ABCF2: variants seen among roughly 807,000 people sequenced by gnomAD.
ABCF2 encodes ATP binding cassette subfamily F member 2.
Under a neutral mutation model 76.9 loss-of-function variants are expected in ABCF2, and 37 were observed. The observed-to-expected ratio is 0.48, with a 90% confidence interval of 0.37 to 0.63. The LOEUF (loss-of-function observed/expected upper bound fraction) is 0.63. ABCF2 is among the 30% of genes least tolerant of loss of function. The pLI is 0.00. For synonymous variants in ABCF2, 299 were observed against 283.7 expected, an observed-to-expected ratio of 1.05 and a Z score of -0.54; for missense variants, 524 against 782.1, an observed-to-expected ratio of 0.67 and a Z score of 3.94.
In ABCF2 at chr7:151,226,406, T is replaced by C. The variant is rs1317447930; in HGVS notation, c.53A>G (p.Lys18Arg). The change falls in exon 2 of 15, where the codon AAA (lysine) becomes AGA (arginine). Residue 18 changes from lysine to arginine, a missense_variant. Lys to Arg is a conservative substitution (Grantham distance 26, BLOSUM62 2). Coordinates refer to ENST00000287844, the MANE Select transcript of ABCF2 (RefSeq NM_007189.3). The part of the protein sequence containing the change: ...KKAAKKKEAA[K>R]ARQRPRKGHE... Reference sequence around the variant, plus strand: ...TCCTTTTCTGGGCCGCTGTCGAGCTTTGGCAGCCTCCTTCTTTTTGGCTGC... The same window carrying C: ...TCCTTTTCTGGGCCGCTGTCGAGCTCTGGCAGCCTCCTTCTTTTTGGCTGC... The C allele has an allele frequency of 4.3e-6, 7 of 1,614,076 alleles. No homozygotes were observed. In the African/African-American group the frequency reaches 5.3e-5, roughly 12 times the overall value.
At position 151,213,114 on chromosome 7, in the gene ABCF2, G is replaced by C; in HGVS notation, c.*940C>G. On this transcript the variant is annotated 3_prime_UTR_variant, in exon 15 of 15. Coordinates refer to ENST00000287844, the MANE Select transcript of ABCF2 (RefSeq NM_007189.3). The stretch of plus-strand genomic sequence containing the variant: ...GCTGTGCAGTTGGGGCAGAACCTCA[G>C]ATCACAATCAGAAAACCACGCTCCT... 1.0e-6 allele frequency: 1 copy of C among 985,380 alleles called. No homozygotes were observed. The highest frequency in any genetic ancestry group is 1.2e-6 in the Non-Finnish European group (1 of 829,936). 61.0% of individuals were successfully genotyped at this position (985,380 alleles called of 1,614,324 possible).
intron 7 of ABCF2, 89 bp downstream of exon 7, chr7:151,221,486 GCCA>G: frequency 9.5e-6 from 9 of 944,784 alleles, no homozygotes; most frequent in Non-Finnish European, 1.3e-5. Flanking sequence ...ACAGGCATGA[GCCA>G]CCACACCAGC....
Position 151,216,013 on chromosome 7 carries a change from C to T in ABCF2, c.1355G>A (p.Gly452Asp). ...LLTGELLPTD[G>D]MIRKHSHVKI... ...GACATGAGAGTGTTTTCGGATCATG[C>T]CATCTGTGGGTAGTAGCTAGGAAGA... The change falls in exon 12 of 15, where the codon GGC (glycine) becomes GAC (aspartate). Residue 452 changes from glycine (G) to aspartate (D), a missense_variant. Gly to Asp is a moderately conservative substitution (Grantham distance 94). Coordinates refer to ENST00000287844, the MANE Select transcript of ABCF2 (RefSeq NM_007189.3). The T allele has an allele frequency of 6.2e-7, 1 of 1,614,112 alleles. No individual in the cohort carries two copies.
Position 151,215,101 on chromosome 7 carries a change from T to TAC in ABCF2, c.1531-21_1531-20dup. 1.9e-6 allele frequency: 3 copies of TAC among 1,603,076 alleles called. No individual in the cohort carries two copies. The highest frequency in any genetic ancestry group is 2.6e-6 in the Non-Finnish European group (3 of 1,174,010). On this transcript the variant is annotated intron_variant, in intron 13 of 14. Transcript: ENST00000287844. The surrounding 1 kb of genome is among the most constrained non-coding windows in gnomAD (Gnocchi z 4.6). ...GGCTCACCTGAGTAGAACCGTGACC[T>TAC]ACATATAACTTGGCATTATCCCCGC...
chr7:151,214,738 G>C lies in ABCF2; in HGVS notation c.1734+141C>G. The C allele has an allele frequency of 1.4e-6, 1 of 733,872 alleles. No homozygotes were observed. The highest frequency in any genetic ancestry group is 2.2e-6 in the Non-Finnish European group (1 of 447,006). The allele number at this position is 733,872 out of a possible 1,614,324, so 45.5% of individuals were successfully genotyped here. Reference sequence around the variant, plus strand: ...GTAGCCCCAAAGAGGCATAAGAACTGGTCCTCACCACCTGTGTCTACACTC... The same window carrying C: ...GTAGCCCCAAAGAGGCATAAGAACTCGTCCTCACCACCTGTGTCTACACTC... On this transcript the variant is annotated intron_variant, in intron 14 of 14. Coordinates refer to ENST00000287844, the MANE Select transcript of ABCF2 (RefSeq NM_007189.3). The surrounding 1 kb of genome is among the most constrained non-coding windows in gnomAD (Gnocchi z 4.9).
Position 151,215,938 on chromosome 7 carries a change from T to C in ABCF2, c.1401+29A>G. The stretch of plus-strand genomic sequence containing the variant: ...CAGCCCCTCCCTATACCCTGGGCAA[T>C]TCCCCGGATCCCAACCCCAGGCCTG... On this transcript the variant is annotated intron_variant, in intron 12 of 14. Transcript: ENST00000287844. The surrounding 1 kb of genome is among the most constrained non-coding windows in gnomAD (Gnocchi z 4.6). 2 of 1,612,544 alleles carry C rather than the reference T, an allele frequency of 1.2e-6. No homozygotes were observed. The highest frequency in any genetic ancestry group is 1.7e-6 in the Non-Finnish European group (2 of 1,178,642).
Position 151,226,359 on chromosome 7 carries a change from C to G in ABCF2, c.100G>C (p.Val34Leu). 6.2e-7 allele frequency: 1 copy of G among 1,614,134 alleles called. No homozygotes were observed. The highest frequency in any genetic ancestry group is 1.1e-5 in the South Asian group (1 of 91,078). Reference protein sequence around the residue: ...RKGHEENGDVVTEPQVAEKNE... With the variant: ...RKGHEENGDVLTEPQVAEKNE... ...TTCTCTGCCACCTGTGGTTCTGTGA[C>G]AACATCTCCATTTTCTTCATGTCCT... Residue 34 changes from valine to leucine, a missense_variant, in exon 2 of 15, where the codon GTC becomes CTC. Val to Leu is a conservative substitution (Grantham distance 32). This residue lies in a region of ABCF2 where 330 missense variants were observed against 433.6 expected (regional missense o/e 0.76). Coordinates refer to ENST00000287844, the MANE Select transcript of ABCF2 (RefSeq NM_007189.3).
In ABCF2 at chr7:151,213,455, T is replaced by C; in HGVS notation, c.*599A>G. On this transcript the variant is annotated 3_prime_UTR_variant, in exon 15 of 15. Transcript: ENST00000287844. Reference sequence around the variant, plus strand: ...CAGCTCCTGCTGTGGGCAGTGCATGTTGGCACTGCAGGGAGGAGAAGGCCC... The same window carrying C: ...CAGCTCCTGCTGTGGGCAGTGCATGCTGGCACTGCAGGGAGGAGAAGGCCC... The C allele has an allele frequency of 2.0e-6, 2 of 985,590 alleles. No individual in the cohort carries two copies. Among genetic ancestry groups the C allele is most frequent in the Non-Finnish European group, 2.4e-6 (2 of 830,070 alleles). 61.1% of individuals were successfully genotyped at this position (985,590 alleles called of 1,614,324 possible). A position where few individuals can be genotyped will look rare whatever the true frequency, so the allele number is the denominator to read the frequency against.
rs142063362 is a variant in ABCF2, at chr7:151,219,131, C to T, written c.950G>A (p.Arg317Gln). 1.9e-6 allele frequency: 3 copies of T among 1,613,972 alleles called. No individual in the cohort carries two copies. The highest frequency in any genetic ancestry group is 2.2e-5 in the East Asian group (1 of 44,860). The change falls in exon 8 of 15, where the codon CGG (arginine) becomes CAG (glutamine). Residue 317 changes from arginine to glutamine, a missense_variant. Physicochemically the swap from Arg to Gln is conservative, Grantham distance 43. This residue lies in a region of ABCF2 where 330 missense variants were observed against 433.6 expected (regional missense o/e 0.76). Transcript: ENST00000287844. ...CATCTGGTTCTCCTCCAGCTCTAGCCGCGTCTTCACGTACTGATCATAATT... is the reference window on the plus strand; with the variant it reads ...CATCTGGTTCTCCTCCAGCTCTAGCTGCGTCTTCACGTACTGATCATAATT... ...TGNYDQYVKT[R>Q]LELEENQMKR...
chr7:151,222,289 A>AT (rs75061489), intron 6 of ABCF2, among the ~76,000 whole-genome samples: 8 of 149,858 alleles, frequency 5.3e-5, no homozygotes, highest in Non-Finnish European at 1.2e-4. Flanking sequence ...ACCAACAAGG[A>AT]TTTTTTTTAA....
At chr7:151,218,532 CAG>C in intron 10 of ABCF2, 27 bp downstream of exon 10, 2 of 1,594,374 alleles carry the variant, frequency 1.3e-6, no homozygotes, top group Non-Finnish European at 1.7e-6. Context: ...AGATACACCC[CAG>C]CCACCCATGC....
In ABCF2 at chr7:151,215,117, T is replaced by C. The variant is rs1802124492; in HGVS notation, c.1531-35A>G. ...ACCGTGACCTACATATAACTTGGCA[T>C]TATCCCCGCCAAACAGCACAGCTCA... On this transcript the variant is annotated intron_variant, in intron 13 of 14. Coordinates refer to ENST00000287844, the MANE Select transcript of ABCF2 (RefSeq NM_007189.3). This position sits in a 1 kb window ranked among gnomAD's most constrained non-coding sequence, Gnocchi z 4.6. 1 of 1,573,616 alleles carries C rather than the reference T, an allele frequency of 6.4e-7. No homozygotes were observed. The highest frequency in any genetic ancestry group is 2.3e-5 in the East Asian group (1 of 43,332).
intron 1 of ABCF2, 113 bp from the exon 2 acceptor site, chr7:151,226,613 T>C (rs1485662718): frequency 2.5e-6 from 2 of 800,168 alleles, no homozygotes; most frequent in Non-Finnish European, 1.9e-6. Context: ...TCTGATGCCC[T>C]GGCCTGCCCC....
At chr7:151,217,349 T>C (rs1802171717) in intron 11 of ABCF2, among the ~76,000 whole-genome samples, 2 of 152,238 alleles carry the variant, frequency 1.3e-5, no homozygotes, top group Non-Finnish European at 1.5e-5. Flanking sequence ...AGAAAACCCA[T>C]GTAGACGTTA....
rs1802320774 is a variant in ABCF2 at position 151,223,814 on chromosome 7, G to A, written c.586C>T (p.Leu196=). ...CEKLMELYER[L]EELDADKAEM... ...GCCTTGTCGGCATCCAGCTCCTCCA[G>A]GCGCTCGTAGAGCTCCATGAGCTTC... The change falls in exon 5 of 15, where the codon CTG becomes TTG. Residue 196 remains leucine, a synonymous_variant. Coordinates refer to ENST00000287844, the MANE Select transcript of ABCF2 (RefSeq NM_007189.3). 1 of 1,613,896 alleles carries A rather than the reference G, an allele frequency of 6.2e-7. No individual in the cohort carries two copies. The highest frequency in any genetic ancestry group is 8.5e-7 in the Non-Finnish European group (1 of 1,179,860).
Position 151,212,443 on chromosome 7 carries a change from GCA to G in ABCF2, c.*1609_*1610del. 1 of 985,456 alleles carries G rather than the reference GCA, an allele frequency of 1.0e-6. No homozygotes were observed. Among genetic ancestry groups the G allele is most frequent in the Non-Finnish European group, 1.2e-6 (1 of 829,944 alleles). The allele number at this position is 985,456 out of a possible 1,614,324, so 61.0% of individuals were successfully genotyped here. ...AAAATGCAAACTCCTGGCCATCTCT[GCA>G]CCTCTCTCATTCTACCAAATGCGAT... On this transcript the variant is annotated 3_prime_UTR_variant, in exon 15 of 15. Coordinates refer to ENST00000287844, the MANE Select transcript of ABCF2 (RefSeq NM_007189.3).
chr7:151,218,403 C>T (rs981333266), intron 10 of ABCF2, among the ~76,000 whole-genome samples, 158 bp downstream of exon 10: 1 of 152,120 alleles, frequency 6.6e-6, no homozygotes, highest in Non-Finnish European at 1.5e-5. Flanking sequence ...GAAAGGCCCG[C>T]GAGCAGCCTT....
At chr7:151,222,750 T>C (rs1802296289) in intron 5 of ABCF2, 134 bp from the exon 6 acceptor site, 2 of 618,432 alleles carry the variant, frequency 3.2e-6, no homozygotes. Flanking sequence ...TTAGGCTCTA[T>C]ACCTCAGAGG....
At chr7:151,220,249 T>G (rs572846938) in intron 7 of ABCF2, among the ~76,000 whole-genome samples, 1 of 151,486 alleles carries the variant, frequency 6.6e-6, no homozygotes, top group Non-Finnish European at 1.5e-5. Flanking sequence ...ATTAGCTGGG[T>G]GTGGTGGCAT....
Sources: allele counts gnomAD v4.1 joint callset (sites outside exome capture counted in the v4.1 genomes callset), GRCh38; gene constraint gnomAD v4.1.1; regional missense constraint gnomAD v4.1.1; non-coding constraint Gnocchi (gnomAD v3.1); transcripts MANE v1.5; gene names NCBI Gene and HGNC (gene_info 2026-07-23, HGNC 2026-07-21).